Variants in GALK2 observed in about 807,000 individuals in gnomAD.
The protein encoded by GALK2 is galactokinase 2.
A neutral mutation model predicts 52.4 loss-of-function variants in GALK2; 36 were observed. That is an observed-to-expected ratio of 0.69 (90% CI 0.53 to 0.91). The LOEUF (loss-of-function observed/expected upper bound fraction) is 0.91, where lower values mean the gene tolerates loss of function less well. GALK2 is among the 40% of genes least tolerant of loss of function. The pLI is 0.00. For missense variants in GALK2, 579 were observed against 559.1 expected (o/e 1.04, Z -0.36); for synonymous variants, 176 against 199.1 (o/e 0.88, Z 0.98).
At chr15:49,313,761 C>G (rs576015716) in intron 8 of GALK2, among the ~76,000 whole-genome samples, 2 of 152,340 alleles carry the variant, frequency 1.3e-5, no homozygotes, top group South Asian at 4.1e-4. Context: ...CTATCATACT[C>G]AGTGCTTATG....
chr15:49,303,515 CT>C (rs1567041400), intron 8 of GALK2, among the ~76,000 whole-genome samples: 1 of 152,196 alleles, frequency 6.6e-6, no homozygotes, highest in Non-Finnish European at 1.5e-5. Context: ...TGTGCATGAA[CT>C]GCCGTGGCAC....
chr15:49,312,628 G>A (rs1299991936), intron 8 of GALK2, among the ~76,000 whole-genome samples: 1 of 152,132 alleles, frequency 6.6e-6, no homozygotes, highest in Non-Finnish European at 1.5e-5. Flanking sequence ...TCCCTCTTTT[G>A]TATACCTATA....
chr15:49,274,257 C>T (rs1266435216), intron 5 of GALK2, among the ~76,000 whole-genome samples: 1 of 152,128 alleles, frequency 6.6e-6, no homozygotes, highest in Non-Finnish European at 1.5e-5. Flanking sequence ...CACACCTAGT[C>T]TATATGGTAC....
At chr15:49,211,441 A>G (rs2088880160) in intron 2 of GALK2, among the ~76,000 whole-genome samples, 1 of 152,178 alleles carries the variant, frequency 6.6e-6, no homozygotes, top group Non-Finnish European at 1.5e-5. Context: ...TGAGCCCTCC[A>G]AACTGTTCCA....
intron 3 of GALK2, among the ~76,000 whole-genome samples, chr15:49,221,126 C>G (rs940229564): frequency 6.6e-6 from 1 of 151,992 alleles, no homozygotes; most frequent in Non-Finnish European, 1.5e-5. Context: ...TTTTTCTGTA[C>G]TTTTGAGATC....
At chr15:49,262,176 C>T (rs1194679456) in intron 5 of GALK2, among the ~76,000 whole-genome samples, 3 of 152,018 alleles carry the variant, frequency 2.0e-5, no homozygotes, top group South Asian at 4.2e-4. Context: ...TGGTAGAATT[C>T]GGCTGTGAAT....
At chr15:49,229,817 A>T (rs1181762812) in intron 3 of GALK2, among the ~76,000 whole-genome samples, 1 of 152,012 alleles carries the variant, frequency 6.6e-6, no homozygotes, top group Non-Finnish European at 1.5e-5. Flanking sequence ...GGGAGCATGC[A>T]CTTTGGCTCC....
At chr15:49,260,510 G>T (rs976585236) in intron 5 of GALK2, among the ~76,000 whole-genome samples, 3 of 146,218 alleles carry the variant, frequency 2.1e-5, no homozygotes, top group Non-Finnish European at 4.5e-5. Flanking sequence ...CTCCCATTTT[G>T]TAGGTTGCCT....
At chr15:49,184,423 T>C (rs2086203978) in intron 1 of GALK2, among the ~76,000 whole-genome samples, 1 of 152,220 alleles carries the variant, frequency 6.6e-6, no homozygotes, top group South Asian at 2.1e-4. Context: ...TTGTTTTTAA[T>C]CCATTCAGCC....
At chr15:49,258,790 A>T (rs199732330) in intron 5 of GALK2, among the ~76,000 whole-genome samples, 1 of 115,478 alleles carries the variant, frequency 8.7e-6, no homozygotes, top group Admixed American at 9.0e-5. Context: ...ATATATATAT[A>T]TATATGTGTG....
At position 49,217,369 on chromosome 15, in the gene GALK2, T is replaced by C. The variant is rs2089463638; in HGVS notation, c.266+56T>C. The stretch of plus-strand genomic sequence containing the variant: ...ATGTATGGTTCTGTTTGTACCCAAA[T>C]GAACTCTTTAGGAGACATCAAATTT... On this transcript the variant is annotated intron_variant, in intron 3 of 9. Transcript: ENST00000560031. 6 of 1,568,924 alleles carry C rather than the reference T, an allele frequency of 3.8e-6. No individual in the cohort carries two copies. In the Admixed American group the frequency reaches 1.1e-4, roughly 28 times the overall value.
At chr15:49,238,634 T>C (rs1285831191) in intron 4 of GALK2, among the ~76,000 whole-genome samples, 1 of 152,168 alleles carries the variant, frequency 6.6e-6, no homozygotes, top group Non-Finnish European at 1.5e-5. Context: ...CTATGTGTCA[T>C]CTTGGGAAAG....
chr15:49,184,240 T>G (rs2086184132), intron 1 of GALK2, among the ~76,000 whole-genome samples: 1 of 152,162 alleles, frequency 6.6e-6, no homozygotes, highest in African/African-American at 2.4e-5. Context: ...TTTCTCTTCT[T>G]ATAGTTTTTT....
intron 1 of GALK2, among the ~76,000 whole-genome samples, chr15:49,191,945 A>G (rs1345152602): frequency 4.6e-5 from 7 of 151,676 alleles, no homozygotes; most frequent in Non-Finnish European, 1.0e-4. Context: ...TTATATCACT[A>G]TGGACTCGGG....
At chr15:49,179,313 A>C (rs2085769424) in intron 1 of GALK2, among the ~76,000 whole-genome samples, 1 of 152,228 alleles carries the variant, frequency 6.6e-6, no homozygotes, top group African/African-American at 2.4e-5. Context: ...AAATTGAGGC[A>C]TGGAGCAACT....
chr15:49,267,339 A>G (rs1366076252), intron 5 of GALK2, among the ~76,000 whole-genome samples: 4 of 152,208 alleles, frequency 2.6e-5, no homozygotes, highest in African/African-American at 9.7e-5. Flanking sequence ...GAAGATGAGG[A>G]ACCTTATCAG....
At chr15:49,233,406 A>T (rs574672590) in intron 3 of GALK2, among the ~76,000 whole-genome samples, 17 of 152,242 alleles carry the variant, frequency 1.1e-4, no homozygotes, top group Non-Finnish European at 1.9e-4. Flanking sequence ...ACAACTTGGC[A>T]TGAGATTTGG....
chr15:49,175,397 A>T (rs2085369080), intron 1 of GALK2, among the ~76,000 whole-genome samples: 1 of 152,206 alleles, frequency 6.6e-6, no homozygotes, highest in East Asian at 1.9e-4. Context: ...GAGTGGTTTT[A>T]CTTGTAGCCA....
intron 3 of GALK2, among the ~76,000 whole-genome samples, chr15:49,345,161 AT>A (rs1226868448): frequency 5.9e-5 from 9 of 152,166 alleles, no homozygotes; most frequent in Non-Finnish European, 1.5e-5. Flanking sequence ...CTTTGAACAA[AT>A]TTTGGATTTT....
Sources: allele counts gnomAD v4.1 joint callset (sites outside exome capture counted in the v4.1 genomes callset), GRCh38; gene constraint gnomAD v4.1.1; transcripts MANE v1.5; gene names NCBI Gene and HGNC (gene_info 2026-07-23, HGNC 2026-07-21).